Variants in PKP4 observed in about 807,000 individuals in gnomAD.
The protein encoded by PKP4 is plakophilin 4.
A neutral mutation model predicts 145.1 loss-of-function variants in PKP4; 90 were observed. The observed-to-expected ratio is 0.62, with a 90% CI of 0.52 to 0.74. The LOEUF (loss-of-function observed/expected upper bound fraction) is 0.74, where lower values mean the gene tolerates loss of function less well. Among genes scored for constraint, PKP4 ranks in the 30% least tolerant of loss-of-function variants. The pLI is 0.00. For missense variants in PKP4, 1,340 were observed against 1,482.7 expected, an observed-to-expected ratio of 0.90 and a Z score of 1.58; for synonymous variants, 563 against 577.2, an observed-to-expected ratio of 0.98 and a Z score of 0.35.
At position 158,674,073 on chromosome 2, in the gene PKP4, C is replaced by G. The variant is rs1575127156; in HGVS notation, c.3127+73C>G. On this transcript the variant is annotated intron_variant, in intron 19 of 21. Transcript: ENST00000389759. ...ACATTGTTCCCCAGCCAGAGAAGAT[C>G]AAACATAAGCTGGTTAAGCCTGTCA... The G allele has an allele frequency of 3.4e-6, 3 of 874,906 alleles. No homozygotes were observed. In the East Asian group the frequency reaches 7.2e-5, roughly 21 times the overall value. 54.2% of individuals were successfully genotyped at this position (874,906 alleles called of 1,614,324 possible). A position where few individuals can be genotyped will look rare whatever the true frequency, so the allele number is the denominator to read the frequency against.
Position 158,642,658 on chromosome 2 carries a change from T to G in PKP4, c.1868T>G (p.Leu623Trp). The change falls in exon 11 of 22, where the codon TTG becomes TGG. Residue 623 changes from leucine (L) to tryptophan (W), a missense_variant. Transcript: ENST00000389759. Reference sequence around the variant, plus strand: ...GGGATACCTGCCTTGTTGCGACTGTTGAGAAAATCTATTGATGCAGAAGTA... The same window carrying G: ...GGGATACCTGCCTTGTTGCGACTGTGGAGAAAATCTATTGATGCAGAAGTA... Reference protein sequence around the residue: ...VGGIPALLRLLRKSIDAEVRE... With the variant: ...VGGIPALLRLWRKSIDAEVRE... 6.2e-7 allele frequency: 1 copy of G among 1,611,016 alleles called. No homozygotes were observed. The highest frequency in any genetic ancestry group is 8.5e-7 in the Non-Finnish European group (1 of 1,177,894).
intron 2 of PKP4, among the ~76,000 whole-genome samples, chr2:158,535,580 T>G (rs1194651171): frequency 1.3e-5 from 2 of 152,068 alleles, no homozygotes; most frequent in Non-Finnish European, 2.9e-5. Context: ...CAGCTAATTT[T>G]TAGTTTTTAA....
chr2:158,534,674 AT>A (rs2043878726), intron 2 of PKP4, among the ~76,000 whole-genome samples: 1 of 152,230 alleles, frequency 6.6e-6, no homozygotes, highest in Non-Finnish European at 1.5e-5. Flanking sequence ...ACTTAAAACT[AT>A]TAACTGCGTG....
intron 4 of PKP4, among the ~76,000 whole-genome samples, chr2:158,614,157 A>C (rs1358437476): frequency 1.3e-5 from 2 of 152,174 alleles, no homozygotes; most frequent in Admixed American, 6.5e-5. Context: ...TAGAGATACA[A>C]ATGGAAGTAT....
In PKP4 at chr2:158,459,196, T is replaced by C. The variant is rs1372923751; in HGVS notation, c.-6+1978T>C. Among the ~76,000 whole-genome samples, 7 of 152,346 alleles carry C rather than the reference T, an allele frequency of 4.6e-5. No homozygotes were observed. The South Asian group carries it at 6.2e-4, about 14-fold the overall frequency. On this transcript the variant is annotated intron_variant, in intron 1 of 21. Transcript: ENST00000389759. Reference sequence around the variant, plus strand: ...CGTTTTGGTGCCTGTGAAACAGTTATGGAAAATGGCAACATGAAAACGAGA... The same window carrying C: ...CGTTTTGGTGCCTGTGAAACAGTTACGGAAAATGGCAACATGAAAACGAGA...
rs569675730 is a variant in PKP4, at chr2:158,670,199, GAA to G, written c.2924+285_2924+286del. Among the ~76,000 whole-genome samples the G allele has an allele frequency of 1.6e-4, 24 of 152,260 alleles. No homozygotes were observed. In the South Asian group the frequency reaches 5.0e-3, roughly 32 times the overall value. ...TTGTTCTGCTGTAACAAAATGTTGTGAACTGGGTGGCTTATAAACAACAGAAA... is the reference window on the plus strand; with the variant it reads ...TTGTTCTGCTGTAACAAAATGTTGTGCTGGGTGGCTTATAAACAACAGAAA... On this transcript the variant is annotated intron_variant, in intron 17 of 21. Transcript: ENST00000389759.
intron 2 of PKP4, among the ~76,000 whole-genome samples, chr2:158,556,568 T>G (rs1414098733): frequency 6.6e-6 from 1 of 151,168 alleles, no homozygotes; most frequent in Non-Finnish European, 1.5e-5. Flanking sequence ...TTGTTTCTGA[T>G]CCCAGGAGTC....
intron 1 of PKP4, among the ~76,000 whole-genome samples, chr2:158,466,172 T>G (rs1690574024): frequency 6.6e-6 from 1 of 152,170 alleles, no homozygotes. Flanking sequence ...CTACATACCT[T>G]AAGTGAATGA....
chr2:158,642,075 G>T (rs570578284), intron 10 of PKP4, among the ~76,000 whole-genome samples: 6 of 152,336 alleles, frequency 3.9e-5, no homozygotes, highest in African/African-American at 1.4e-4. Context: ...AGGCTGGAGT[G>T]CAGTGGTGCA....
chr2:158,573,414 AAAGAG>A (rs1021539366), intron 2 of PKP4, among the ~76,000 whole-genome samples: 4 of 152,178 alleles, frequency 2.6e-5, no homozygotes, highest in Admixed American at 2.6e-4. Context: ...GGAGGGAAGA[AAAGAG>A]AAGAATAGGA....
intron 2 of PKP4, among the ~76,000 whole-genome samples, chr2:158,551,457 A>G (rs1054718080): frequency 1.5e-4 from 23 of 152,326 alleles, no homozygotes; most frequent in African/African-American, 4.8e-4. Context: ...CATCTCAGTT[A>G]GCATTCCCCC....
chr2:158,642,636 A>C lies in PKP4; in HGVS notation c.1846A>C (p.Ile616Leu). Residue 616 changes from isoleucine to leucine, a missense_variant, in exon 11 of 22, where the codon ATA (isoleucine) becomes CTA (leucine). Transcript: ENST00000389759. ...NKIAMKNVGGIPALLRLLRKS... is the reference protein window; with the variant it reads ...NKIAMKNVGGLPALLRLLRKS... ...AATAGCAATGAAGAATGTTGGTGGGATACCTGCCTTGTTGCGACTGTTGAG... is the reference window on the plus strand; with the variant it reads ...AATAGCAATGAAGAATGTTGGTGGGCTACCTGCCTTGTTGCGACTGTTGAG... 1 of 1,613,186 alleles carries C rather than the reference A, an allele frequency of 6.2e-7. No individual in the cohort carries two copies. Among genetic ancestry groups the C allele is most frequent in the South Asian group, 1.1e-5 (1 of 90,914 alleles).
intron 20 of PKP4, among the ~76,000 whole-genome samples, chr2:158,677,762 C>T (rs1203685568): frequency 6.6e-6 from 1 of 152,138 alleles, no homozygotes; most frequent in Non-Finnish European, 1.5e-5. Flanking sequence ...ATTTCAACAC[C>T]AAGCTCTGGG....
chr2:158,580,513 A>G (rs539931793), intron 3 of PKP4, among the ~76,000 whole-genome samples: 46 of 152,304 alleles, frequency 3.0e-4, no homozygotes, highest in Non-Finnish European at 5.3e-4. Flanking sequence ...ATGAAATTGG[A>G]AAGGTGAAGC....
intron 4 of PKP4, among the ~76,000 whole-genome samples, chr2:158,605,249 G>A (rs1265934418): frequency 6.6e-6 from 1 of 152,142 alleles, no homozygotes; most frequent in Non-Finnish European, 1.5e-5. Context: ...TAGCTTCACA[G>A]CCAAATTCTA....
intron 3 of PKP4, among the ~76,000 whole-genome samples, chr2:158,601,023 C>T (rs1574714702): frequency 6.6e-6 from 1 of 152,284 alleles, no homozygotes; most frequent in East Asian, 1.9e-4. Flanking sequence ...CCTGCTTATA[C>T]TAGGTAATAC....
chr2:158,594,677 G>A (rs931210436), intron 3 of PKP4, among the ~76,000 whole-genome samples: 13 of 152,150 alleles, frequency 8.5e-5, no homozygotes, highest in African/African-American at 4.8e-5. Context: ...TGGAGGAAGA[G>A]GTTTTGTTTT....
chr2:158,675,397 A>G (rs2528593), intron 19 of PKP4, among the ~76,000 whole-genome samples: 109,232 of 151,804 alleles, frequency 0.72, 39,887 homozygotes, highest in South Asian at 0.83. Flanking sequence ...ATTACTCTTC[A>G]ATGTGGCCCA....
intron 2 of PKP4, among the ~76,000 whole-genome samples, chr2:158,572,033 C>T (rs1210955181): frequency 1.3e-5 from 2 of 152,080 alleles, no homozygotes; most frequent in African/African-American, 2.4e-5. Flanking sequence ...AACTGAGTGA[C>T]TTGGGAGTTG....
Sources: gnomAD v4.1 joint callset for allele counts (sites outside exome capture counted in the v4.1 genomes callset) on GRCh38, gnomAD v4.1.1 for gene constraint, MANE v1.5 for transcripts, NCBI Gene and HGNC (gene_info 2026-07-23, HGNC 2026-07-21) for gene names.